Variants in MET observed in about 807,000 individuals in gnomAD.
MET encodes hepatocyte growth factor receptor.
In MET, 48 loss-of-function variants were observed where a neutral mutation model predicts 133.1. The ratio of observed to expected loss-of-function variants is 0.36; its 90% CI spans 0.29 to 0.46. The LOEUF is 0.46. Ranked by LOEUF, MET falls within the 20% of genes least tolerant of loss-of-function variation. The pLI, the probability that MET is intolerant of heterozygous loss-of-function variation, is 1.00. For missense variants in MET, 1,442 were observed against 1,695.9 expected, an observed-to-expected ratio of 0.85 and a Z score of 2.63; for synonymous variants, 628 against 616.5, an observed-to-expected ratio of 1.02 and a Z score of -0.28.
intron 2 of MET, among the ~76,000 whole-genome samples, chr7:116,730,771 G>C (rs1181026243): frequency 6.6e-6 from 1 of 152,156 alleles, no homozygotes; most frequent in Non-Finnish European, 1.5e-5. Flanking sequence ...AGTGTCCTAA[G>C]GTCAGGCAGG....
intron 2 of MET, among the ~76,000 whole-genome samples, chr7:116,717,618 C>G (rs983766848): frequency 6.6e-6 from 1 of 152,094 alleles, no homozygotes; most frequent in Non-Finnish European, 1.5e-5. Context: ...GTAATTTAGT[C>G]ATGGTCAAAG....
chr7:116,737,745 A>G (rs963359406), intron 3 of MET, among the ~76,000 whole-genome samples: 1 of 111,928 alleles, frequency 8.9e-6, no homozygotes, highest in Non-Finnish European at 2.2e-5. Flanking sequence ...GAGGATACAC[A>G]TATCAATCAA....
At chr7:116,756,616 T>C (rs1794185978) in intron 6 of MET, among the ~76,000 whole-genome samples, 1 of 152,236 alleles carries the variant, frequency 6.6e-6, no homozygotes. Context: ...ATTTAAATTT[T>C]CTCAGAACTA....
At chr7:116,755,652 G>C in intron 6 of MET, 137 bp downstream of exon 6, 1 of 1,071,462 alleles carries the variant, frequency 9.3e-7, no homozygotes, top group Non-Finnish European at 1.4e-6. Flanking sequence ...TGCCTTGTGG[G>C]TCTGTTCTGT....
At position 116,732,605 on chromosome 7, in the gene MET, A is replaced by G. The variant is rs528662007; in HGVS notation, c.1392+746A>G. 3.3e-5 allele frequency among the ~76,000 whole-genome samples: 5 copies of G among 152,312 alleles called. No homozygotes were observed. In the East Asian group the frequency reaches 9.7e-4, roughly 29 times the overall value. On this transcript the variant is annotated intron_variant, in intron 3 of 20. Coordinates refer to ENST00000397752, the MANE Select transcript of MET (RefSeq NM_000245.4). ...GATTCTTGATGAGGAAAGAATGACA[A>G]TAGCATCTATGGAAATCTTGAACTT...
At chr7:116,765,308 A>C (rs966927509) in intron 11 of MET, among the ~76,000 whole-genome samples, 2 of 151,008 alleles carry the variant, frequency 1.3e-5, no homozygotes, top group African/African-American at 4.9e-5. Context: ...AAAAAAAAAA[A>C]CCACGTACTT....
chr7:116,757,715 C>T lies in MET; in HGVS notation c.2043C>T (p.Tyr681=), dbSNP rs1354964885. 6.2e-7 allele frequency: 1 copy of T among 1,613,870 alleles called. No homozygotes were observed. The highest frequency in any genetic ancestry group is 8.5e-7 in the Non-Finnish European group (1 of 1,179,900). The change falls in exon 8 of 21, where the codon TAC becomes TAT. Residue 681 remains tyrosine, a synonymous_variant. Transcript: ENST00000397752. ...CTTTACTTACTTTAACTGGAAATTACCTAAACAGTGGGAATTCTAGACACA... is the reference window on the plus strand; with the variant it reads ...CTTTACTTACTTTAACTGGAAATTATCTAAACAGTGGGAATTCTAGACACA... ...GGTLLTLTGN[Y]LNSGNSRHIS... is the part of the protein sequence containing the mutation.
At chr7:116,771,784 G>A (rs1014950000) in intron 13 of MET, 65 bp from the exon 14 acceptor site, 74 of 1,612,282 alleles carry the variant, frequency 4.6e-5, no homozygotes, top group South Asian at 2.5e-4. Flanking sequence ...TGGGCACTGG[G>A]TCAAAGTCTC....
In MET at chr7:116,771,932, C is replaced by T. The variant is rs768678989; in HGVS notation, c.2971C>T (p.Pro991Ser). 19 of 1,613,818 alleles carry T rather than the reference C, an allele frequency of 1.2e-5. No homozygotes were observed. In the East Asian group the frequency reaches 4.2e-4, roughly 36 times the overall value. The change falls in exon 14 of 21, where the codon CCA becomes TCA. Residue 991 changes from proline (P) to serine (S), a missense_variant. Around this residue, in one of 6 missense-constraint regions of MET, gnomAD observed 514 missense variants for 659.6 expected, o/e 0.78. Transcript: ENST00000397752. ...GCTTGTAAGTGCCCGAAGTGTAAGC[C>T]CAACTACAGAAATGGTTTCAAATGA... ...DRLVSARSVS[P>S]TTEMVSNESV...
rs1057109191 is a variant in MET, at chr7:116,677,620, T to C, written c.-15+5043T>C. Among the ~76,000 whole-genome samples the C allele has an allele frequency of 5.9e-5, 9 of 152,240 alleles. 1 individual carries two copies. Among genetic ancestry groups the C allele is most frequent in the African/African-American group, 1.4e-4 (6 of 41,468 alleles). On this transcript the variant is annotated intron_variant, in intron 1 of 20. Coordinates refer to ENST00000397752, the MANE Select transcript of MET (RefSeq NM_000245.4). ...AGTGGCAGAAAGTCTGCAAGCCAGA[T>C]TGGGCTCCTGATGGTCCCAATTGCA...
intron 2 of MET, among the ~76,000 whole-genome samples, chr7:116,716,596 G>A (rs1792249460): frequency 6.6e-6 from 1 of 152,138 alleles, no homozygotes; most frequent in East Asian, 1.9e-4. Context: ...CTTACGGAGA[G>A]GGTAGCTATT....
intron 15 of MET, 34 bp downstream of exon 15, chr7:116,775,145 G>A (rs377758389): frequency 3.9e-5 from 62 of 1,598,320 alleles, no homozygotes; most frequent in Non-Finnish European, 4.8e-5. Flanking sequence ...TGTTAAATAC[G>A]ATTTTCCAGT....
intron 2 of MET, among the ~76,000 whole-genome samples, chr7:116,701,320 C>A (rs1233852533): frequency 1.3e-5 from 2 of 152,082 alleles, no homozygotes; most frequent in Admixed American, 6.6e-5. Context: ...CTTACTTTAA[C>A]AGGTTTCAAT....
rs2116983911 is a variant in MET at position 116,769,743 on chromosome 7, C to T, written c.2682C>T (p.Cys894=). The change falls in exon 12 of 21, where the codon TGC becomes TGT. Residue 894 remains cysteine, a synonymous_variant. Coordinates refer to ENST00000397752, the MANE Select transcript of MET (RefSeq NM_000245.4). The part of the protein sequence containing the change: ...NIHLHSEAVL[C]TVPNDLLKLN... The stretch of plus-strand genomic sequence containing the variant: ...ACTTACATTCTGAAGCCGTTTTATG[C>T]ACGGTCCCCAATGACCTGCTGAAAT... 2 of 1,613,618 alleles carry T rather than the reference C, an allele frequency of 1.2e-6. No individual in the cohort carries two copies. The highest frequency in any genetic ancestry group is 1.7e-6 in the Non-Finnish European group (2 of 1,179,826).
chr7:116,795,818 G>T lies in MET; in HGVS notation c.3935+27G>T, dbSNP rs762466945. 4 of 1,613,992 alleles carry T rather than the reference G, an allele frequency of 2.5e-6. No individual in the cohort carries two copies. The South Asian group carries it at 3.3e-5, about 13-fold the overall frequency. On this transcript the variant is annotated intron_variant, in intron 20 of 20. Transcript: ENST00000397752. ...TAAGTAGTCTTTCTGTACCTCTTAC[G>T]TTCTTTACTTTTACAGAAATGCCTG...
intron 2 of MET, among the ~76,000 whole-genome samples, chr7:116,708,059 T>C (rs1791864466): frequency 6.6e-6 from 1 of 152,132 alleles, no homozygotes; most frequent in East Asian, 1.9e-4. Context: ...CTGATAGTAT[T>C]ACAATGGAGA....
chr7:116,703,538 T>C (rs1315893381), intron 2 of MET, among the ~76,000 whole-genome samples: 1 of 152,084 alleles, frequency 6.6e-6, no homozygotes, highest in Non-Finnish European at 1.5e-5. Flanking sequence ...TAAAGGCCCA[T>C]ATGTAGGGAG....
intron 1 of MET, among the ~76,000 whole-genome samples, chr7:116,690,409 T>G (rs894929695): frequency 6.6e-6 from 1 of 152,188 alleles, no homozygotes; most frequent in Admixed American, 6.5e-5. Flanking sequence ...CTCTCTCCAC[T>G]ACACTCCACC....
At chr7:116,756,876 A>G (rs940689317) in intron 6 of MET, among the ~76,000 whole-genome samples, 1 of 152,156 alleles carries the variant, frequency 6.6e-6, no homozygotes, top group Non-Finnish European at 1.5e-5. Flanking sequence ...TGAGGTCTTT[A>G]TGGATAAGGT....
Sources: allele counts gnomAD v4.1 joint callset (sites outside exome capture counted in the v4.1 genomes callset), GRCh38; gene constraint gnomAD v4.1.1; regional missense constraint gnomAD v4.1.1; transcripts MANE v1.5; gene names NCBI Gene and HGNC (gene_info 2026-07-23, HGNC 2026-07-21).